Variants in CRPPA observed in about 807,000 individuals in gnomAD.
CRPPA encodes the protein D-ribitol-5-phosphate cytidylyltransferase.
CRPPA carries 43 observed loss-of-function variants against 52.0 expected under a neutral mutation model. The observed-to-expected ratio is 0.83, with a 90% CI of 0.65 to 1.07. The LOEUF is 1.07. Ranked by LOEUF, CRPPA falls within the 50% of genes least tolerant of loss-of-function variation. CRPPA has a pLI of 0.00. For synonymous variants in CRPPA, 250 were observed against 203.5 expected (o/e 1.23, Z -1.94); for missense variants, 629 against 551.7 (o/e 1.14, Z -1.40).
At chr7:16,227,090 C>A (rs1053755735) in intron 8 of CRPPA, among the ~76,000 whole-genome samples, 1 of 151,778 alleles carries the variant, frequency 6.6e-6, no homozygotes, top group Admixed American at 6.6e-5. Context: ...TTTTCATGGC[C>A]AAAGAGTATT....
chr7:16,358,317 A>C (rs1786357020), intron 3 of CRPPA, among the ~76,000 whole-genome samples: 1 of 152,152 alleles, frequency 6.6e-6, no homozygotes, highest in South Asian at 2.1e-4. Flanking sequence ...AAGATGTCTT[A>C]AGCAAGGGAG....
At chr7:16,314,848 T>G (rs1270703000) in intron 3 of CRPPA, among the ~76,000 whole-genome samples, 2 of 152,120 alleles carry the variant, frequency 1.3e-5, no homozygotes, top group African/African-American at 4.8e-5. Context: ...GAGTATAATA[T>G]GCTTAGGTGT....
intron 8 of CRPPA, among the ~76,000 whole-genome samples, chr7:16,225,077 C>A (rs906048460): frequency 6.6e-5 from 10 of 151,982 alleles, no homozygotes; most frequent in Non-Finnish European, 1.2e-4. Flanking sequence ...GTAAACAAAA[C>A]ACATTGCATT....
At chr7:16,179,294 T>G (rs140940694) in intron 9 of CRPPA, among the ~76,000 whole-genome samples, 1 of 152,092 alleles carries the variant, frequency 6.6e-6, no homozygotes, top group African/African-American at 2.4e-5. Flanking sequence ...ACTTTATAAA[T>G]GATAGACAAA....
At chr7:16,250,395 A>G (rs1023019996) in intron 8 of CRPPA, among the ~76,000 whole-genome samples, 3 of 152,126 alleles carry the variant, frequency 2.0e-5, no homozygotes, top group Non-Finnish European at 4.4e-5. Context: ...TATTCCTCGA[A>G]AAGAGCAACC....
rs1206694718 is a variant in CRPPA at position 16,132,759 on chromosome 7, C to CA, written c.1252-40961dup. 1.6e-4 allele frequency among the ~76,000 whole-genome samples: 20 copies of CA among 123,024 alleles called. 6 individuals carry two copies. Among genetic ancestry groups the CA allele is most frequent in the Admixed American group, 1.1e-3 (13 of 12,198 alleles). 80.7% of individuals were successfully genotyped at this position (123,024 alleles called of 152,430 possible). A position where few individuals can be genotyped will look rare whatever the true frequency, so the allele number is the denominator to read the frequency against. On this transcript the variant is annotated intron_variant, in intron 9 of 9. Coordinates refer to ENST00000407010, the MANE Select transcript of CRPPA (RefSeq NM_001101426.4). ...GGCAAACATTGTAGCCTAGAAATAC[C>CA]AAAAAAATAAAAAGTTAGGTATGTC...
intron 6 of CRPPA, among the ~76,000 whole-genome samples, chr7:16,262,500 A>G (rs1364935257): frequency 6.6e-6 from 1 of 152,218 alleles, no homozygotes; most frequent in Non-Finnish European, 1.5e-5. Flanking sequence ...TCTACAGAAC[A>G]AAAAGGTATA....
At chr7:16,199,314 T>TA (rs1320487554) in intron 9 of CRPPA, among the ~76,000 whole-genome samples, 2 of 152,184 alleles carry the variant, frequency 1.3e-5, no homozygotes, top group Admixed American at 1.3e-4. Context: ...AGTTACTAAA[T>TA]AAAATCTGCT....
intron 9 of CRPPA, among the ~76,000 whole-genome samples, chr7:16,142,919 T>A (rs1160787636): frequency 6.6e-6 from 1 of 152,182 alleles, no homozygotes. Flanking sequence ...TAAAGGTGAA[T>A]AATAAATGCC....
chr7:16,308,714 C>T (rs1206599392), intron 3 of CRPPA, 87 bp from the exon 4 acceptor site: 2 of 805,994 alleles, frequency 2.5e-6, no homozygotes, highest in African/African-American at 1.7e-5. Flanking sequence ...CCATTGCAAA[C>T]AAAGGAAGGG....
intron 5 of CRPPA, among the ~76,000 whole-genome samples, chr7:16,300,901 G>C (rs1252643334): frequency 6.6e-6 from 1 of 152,062 alleles, no homozygotes; most frequent in Admixed American, 6.5e-5. Context: ...AGATGAAAAA[G>C]AACTAAAAAA....
chr7:16,286,579 G>T (rs1784455372), intron 5 of CRPPA, among the ~76,000 whole-genome samples: 1 of 123,778 alleles, frequency 8.1e-6, no homozygotes, highest in Admixed American at 8.3e-5. Flanking sequence ...CCAATTTCCT[G>T]AACCAATTTC....
At chr7:16,214,926 C>T (rs1407174609) in intron 9 of CRPPA, among the ~76,000 whole-genome samples, 1 of 152,164 alleles carries the variant, frequency 6.6e-6, no homozygotes, top group Non-Finnish European at 1.5e-5. Context: ...TAGCCTCCTA[C>T]AGCATTAACA....
chr7:16,414,664 C>T (rs1788150423), intron 1 of CRPPA, among the ~76,000 whole-genome samples: 1 of 152,068 alleles, frequency 6.6e-6, no homozygotes, highest in Non-Finnish European at 1.5e-5. Context: ...TGATTAGTAC[C>T]CCTAATCTCA....
Position 16,406,257 on chromosome 7 carries a change from T to C in CRPPA, c.338A>G (p.Gln113Arg), listed in dbSNP as rs1310048065. 1.2e-6 allele frequency: 2 copies of C among 1,613,958 alleles called. No individual in the cohort carries two copies. The highest frequency in any genetic ancestry group is 8.5e-7 in the Non-Finnish European group (1 of 1,179,848). Residue 113 changes from glutamine to arginine, a missense_variant, in exon 2 of 10, where the codon CAG becomes CGG. Physicochemically the swap from Gln to Arg is conservative, Grantham distance 43. Transcript: ENST00000407010. ...TTCGACCAGTGAGATGCGTTTATGCTGATACTTCTGAATAATACTTTTCAT... is the reference window on the plus strand; with the variant it reads ...TTCGACCAGTGAGATGCGTTTATGCCGATACTTCTGAATAATACTTTTCAT... ...EVMKSIIQKY[Q>R]HKRISLVEAG...
intron 5 of CRPPA, among the ~76,000 whole-genome samples, chr7:16,296,931 C>T (rs1784686348): frequency 6.6e-6 from 1 of 152,174 alleles, no homozygotes; most frequent in South Asian, 2.1e-4. Flanking sequence ...TATTCTTCAT[C>T]ACACCAGCTG....
At chr7:16,164,668 T>C (rs148013094) in intron 9 of CRPPA, among the ~76,000 whole-genome samples, 1 of 152,316 alleles carries the variant, frequency 6.6e-6, no homozygotes, top group African/African-American at 2.4e-5. Context: ...GTTTTTGATG[T>C]TGGTGACTTT....
intron 3 of CRPPA, among the ~76,000 whole-genome samples, chr7:16,323,836 C>T (rs1785317123): frequency 6.6e-6 from 1 of 152,100 alleles, no homozygotes; most frequent in Admixed American, 6.5e-5. Flanking sequence ...CAAAAAAAAG[C>T]ACATCACACA....
intron 9 of CRPPA, among the ~76,000 whole-genome samples, chr7:16,189,878 T>C (rs1229904536): frequency 1.3e-5 from 2 of 152,302 alleles, no homozygotes. Flanking sequence ...TCTACAAATA[T>C]GTCATTGCTT....
Sources: gnomAD v4.1 joint callset for allele counts (sites outside exome capture counted in the v4.1 genomes callset) on GRCh38, gnomAD v4.1.1 for gene constraint, MANE v1.5 for transcripts, NCBI Gene and HGNC (gene_info 2026-07-23, HGNC 2026-07-21) for gene names.